Variants in CALM3 observed in about 807,000 individuals in gnomAD.
The protein encoded by CALM3 is calmodulin 3, also known as calmodulin-3.
In CALM3, 5 loss-of-function variants were observed where a neutral mutation model predicts 20.1. That is an observed-to-expected ratio of 0.25 (90% CI 0.13 to 0.52). The LOEUF (loss-of-function observed/expected upper bound fraction) is 0.52. CALM3 is among the 20% of genes least tolerant of loss of function. The probability of loss-of-function intolerance (pLI) is 0.96; values close to 1 mark genes in which losing one functional copy is unlikely to be tolerated. For synonymous variants in CALM3, 69 were observed against 68.1 expected (o/e 1.01, Z -0.06); for missense variants, 57 against 192.8 (o/e 0.30, Z 4.17).
chr19:46,603,096 C>G (rs1254821472), intron 1 of CALM3, among the ~76,000 whole-genome samples: 1 of 152,258 alleles, frequency 6.6e-6, no homozygotes, highest in Non-Finnish European at 1.5e-5. Flanking sequence ...CCACAACACC[C>G]ACAGCCCCAC....
rs765275273 is a variant in CALM3 at position 46,605,881 on chromosome 19, T to A, written c.34+24T>A. ...AGGTGAGTCTGCTATCCCCCTCATC[T>A]TAGCTCAGGAAAGCCTCCACATCCC... On this transcript the variant is annotated intron_variant, in intron 2 of 5. Transcript: ENST00000291295. The surrounding 1 kb of genome is among the most constrained non-coding windows in gnomAD (Gnocchi z 4.1). The A allele has an allele frequency of 7.4e-6, 12 of 1,613,142 alleles. No homozygotes were observed. Among genetic ancestry groups the A allele is most frequent in the Admixed American group, 1.7e-5 (1 of 60,016 alleles).
At chr19:46,604,531 GTTC>G (rs917340053) in intron 1 of CALM3, among the ~76,000 whole-genome samples, 8 of 143,642 alleles carry the variant, frequency 5.6e-5, no homozygotes, top group African/African-American at 1.8e-4. Flanking sequence ...GGGCTTGCAA[GTTC>G]TTCTTCCGTT....
rs1240461549 is a variant in CALM3, at chr19:46,605,330, G to A, written c.4-497G>A. The A allele has an allele frequency of 6.5e-6, 1 of 153,984 alleles. No homozygotes were observed. The highest frequency in any genetic ancestry group is 2.4e-5 in the African/African-American group (1 of 41,506). 9.5% of individuals were successfully genotyped at this position (153,984 alleles called of 1,614,324 possible). A position where few individuals can be genotyped will look rare whatever the true frequency, so the allele number is the denominator to read the frequency against. The stretch of plus-strand genomic sequence containing the variant: ...GGTGACACAGAAACTAGCAGAGATA[G>A]CCCCAGACATCGTCCCTCTGCCCTA... On this transcript the variant is annotated intron_variant, in intron 1 of 5. Coordinates refer to ENST00000291295, the MANE Select transcript of CALM3 (RefSeq NM_005184.4). The surrounding 1 kb of genome is among the most constrained non-coding windows in gnomAD (Gnocchi z 4.1).
At chr19:46,607,348 G>A (rs1244867022) in intron 2 of CALM3, among the ~76,000 whole-genome samples, 1 of 152,132 alleles carries the variant, frequency 6.6e-6, no homozygotes, top group Non-Finnish European at 1.5e-5. Context: ...TTAGCAAACT[G>A]TCCACCGCCT....
Position 46,601,747 on chromosome 19 carries a change from G to T in CALM3, c.3+310G>T, listed in dbSNP as rs776889109. Among the ~76,000 whole-genome samples the T allele has an allele frequency of 1.7e-4, 26 of 152,202 alleles. No individual in the cohort carries two copies. Among genetic ancestry groups the T allele is most frequent in the Non-Finnish European group, 3.2e-4 (22 of 68,038 alleles). ...GACCCTCAGTGGGACCCCTCAAAAG[G>T]ATTTTGGACCCAGGATGGGGCGTTG... On this transcript the variant is annotated intron_variant, in intron 1 of 5. Transcript: ENST00000291295. The surrounding 1 kb of genome is among the most constrained non-coding windows in gnomAD (Gnocchi z 4.2).
intron 1 of CALM3, chr19:46,602,163 T>C (rs2122215512): frequency 1.5e-6 from 2 of 1,348,148 alleles, no homozygotes; most frequent in East Asian, 4.7e-5. Flanking sequence ...TCTTGAAGGC[T>C]TCCGGGACGG....
Position 46,608,136 on chromosome 19 carries a change from C to T in CALM3, c.35-61C>T. 1 of 1,543,770 alleles carries T rather than the reference C, an allele frequency of 6.5e-7. No individual in the cohort carries two copies. The highest frequency in any genetic ancestry group is 8.8e-7 in the Non-Finnish European group (1 of 1,135,614). ...TCCTCCAGGGAAGGCATCCAGCATC[C>T]AGAGGTAAGGATTCTCCTGTGGACC... On this transcript the variant is annotated intron_variant, in intron 2 of 5. Coordinates refer to ENST00000291295, the MANE Select transcript of CALM3 (RefSeq NM_005184.4). The surrounding 1 kb of genome is among the most constrained non-coding windows in gnomAD (Gnocchi z 5.5).
intron 2 of CALM3, 176 bp downstream of exon 2, chr19:46,606,033 A>G (rs1037658738): frequency 3.0e-5 from 18 of 601,396 alleles, no homozygotes; most frequent in African/African-American, 1.7e-4. Context: ...CAGTGCCCCA[A>G]TGACACGAAG....
chr19:46,604,343 T>C (rs1409104511), intron 1 of CALM3, among the ~76,000 whole-genome samples: 3 of 152,060 alleles, frequency 2.0e-5, no homozygotes, highest in Non-Finnish European at 4.4e-5. Flanking sequence ...CCAACCACCC[T>C]GTCTTTTTTG....
chr19:46,608,869 C>A lies in CALM3; in HGVS notation c.309C>A (p.Ala103=). 1 of 1,583,336 alleles carries A rather than the reference C, an allele frequency of 6.3e-7. No individual in the cohort carries two copies. The highest frequency in any genetic ancestry group is 8.6e-7 in the Non-Finnish European group (1 of 1,165,996). The part of the protein sequence containing the change: ...FDKDGNGYIS[A]AELRHVMTNL... ...AGGATGGGAATGGCTACATCAGCGC[C>A]GCAGAGCTGCGTCACGTAATGACGA... The change falls in exon 5 of 6, where the codon GCC becomes GCA. Residue 103 remains alanine, a synonymous_variant. Transcript: ENST00000291295. The surrounding 1 kb of genome is among the most constrained non-coding windows in gnomAD (Gnocchi z 5.5).
chr19:46,601,309 G>T (rs1971607818), upstream of CALM3: 3 of 885,960 alleles, frequency 3.4e-6, no homozygotes, highest in Non-Finnish European at 4.5e-6. The surrounding 1 kb of genome is among the most constrained non-coding windows in gnomAD (Gnocchi z 4.2). Flanking sequence ...GGCGGCGGCG[G>T]CGGCGGCGCG....
At position 46,605,399 on chromosome 19, in the gene CALM3, T is replaced by C. The variant is rs987102969; in HGVS notation, c.4-428T>C. The C allele has an allele frequency of 1.7e-5, 3 of 179,124 alleles. No individual in the cohort carries two copies. Among genetic ancestry groups the C allele is most frequent in the African/African-American group, 7.2e-5 (3 of 41,894 alleles). The allele number at this position is 179,124 out of a possible 1,614,324, so 11.1% of individuals were successfully genotyped here. A position where few individuals can be genotyped will look rare whatever the true frequency, so the allele number is the denominator to read the frequency against. ...TCAGTTTGGAGCCTTCTAGAGCTTC[T>C]TGATGAGGCCTCCAGGGCAATCGTT... On this transcript the variant is annotated intron_variant, in intron 1 of 5. Coordinates refer to ENST00000291295, the MANE Select transcript of CALM3 (RefSeq NM_005184.4). The surrounding 1 kb of genome is among the most constrained non-coding windows in gnomAD (Gnocchi z 4.1).
Position 46,608,640 on chromosome 19 carries a change from A to C in CALM3, c.285+52A>C, listed in dbSNP as rs372509323. On this transcript the variant is annotated intron_variant, in intron 4 of 5. Transcript: ENST00000291295. This position sits in a 1 kb window ranked among gnomAD's most constrained non-coding sequence, Gnocchi z 5.5. ...CTGAGACTGACGCCAGCCTTCAGGC[A>C]GACAGGCGGAACTGGAGCCACGGAG... is the stretch of plus-strand genomic sequence containing the variant. The C allele has an allele frequency of 3.4e-5, 50 of 1,485,150 alleles. No individual in the cohort carries two copies. In the African/African-American group the frequency reaches 6.5e-4, roughly 19 times the overall value. The allele number at this position is 1,485,150 out of a possible 1,614,324, so 92.0% of individuals were successfully genotyped here.
intron 2 of CALM3, among the ~76,000 whole-genome samples, chr19:46,607,049 C>G (rs375568917): frequency 3.3e-5 from 5 of 152,114 alleles, no homozygotes; most frequent in African/African-American, 9.7e-5. Flanking sequence ...AAATTTTGGC[C>G]CTGGGTGGCT....
In CALM3 at chr19:46,601,500, C is replaced by T; in HGVS notation, c.3+63C>T. 5 of 1,370,582 alleles carry T rather than the reference C, an allele frequency of 3.6e-6. No homozygotes were observed. Among genetic ancestry groups the T allele is most frequent in the Middle Eastern group, 1.9e-4 (1 of 5,210 alleles). 84.9% of individuals were successfully genotyped at this position (1,370,582 alleles called of 1,614,324 possible). ...TGAGGCGGGCTTAACGGGGCAGGAC[C>T]CCTGAGGGGGCGACAGAGCCCAGAG... is the stretch of plus-strand genomic sequence containing the variant. On this transcript the variant is annotated intron_variant, in intron 1 of 5. Coordinates refer to ENST00000291295, the MANE Select transcript of CALM3 (RefSeq NM_005184.4). This position sits in a 1 kb window ranked among gnomAD's most constrained non-coding sequence, Gnocchi z 4.2.
In CALM3 at chr19:46,610,679, T is replaced by A; in HGVS notation, c.*1526T>A. 1 of 152,584 alleles carries A rather than the reference T, an allele frequency of 6.6e-6. No individual in the cohort carries two copies. The allele number at this position is 152,584 out of a possible 1,614,324, so 9.5% of individuals were successfully genotyped here. ...CGTGAGGCTGTGGACATTTTCGGAA[T>A]GTTTTGGTTTTGTTTTTTTTAAACC... On this transcript the variant is annotated 3_prime_UTR_variant, in exon 6 of 6. Transcript: ENST00000291295.
At position 46,608,770 on chromosome 19, in the gene CALM3, T is replaced by C. The variant is rs1971800245; in HGVS notation, c.286-76T>C. On this transcript the variant is annotated intron_variant, in intron 4 of 5. Transcript: ENST00000291295. The surrounding 1 kb of genome is among the most constrained non-coding windows in gnomAD (Gnocchi z 5.5). Reference sequence around the variant, plus strand: ...TGTGCTCACTGCTGAGGGATGGTGATGACAGCCACCCCTCTCACTGCCTCT... The same window carrying C: ...TGTGCTCACTGCTGAGGGATGGTGACGACAGCCACCCCTCTCACTGCCTCT... The C allele has an allele frequency of 1.4e-6, 2 of 1,470,542 alleles. No homozygotes were observed. The highest frequency in any genetic ancestry group is 1.8e-6 in the Non-Finnish European group (2 of 1,094,224). 91.1% of individuals were successfully genotyped at this position (1,470,542 alleles called of 1,614,324 possible).
rs762466010 is a variant in CALM3 at position 46,609,162 on chromosome 19, C to G, written c.*9C>G. The G allele has an allele frequency of 5.0e-6, 8 of 1,613,782 alleles. No homozygotes were observed. The Admixed American group carries it at 6.7e-5, about 13-fold the overall frequency. On this transcript the variant is annotated 3_prime_UTR_variant, in exon 6 of 6. Coordinates refer to ENST00000291295, the MANE Select transcript of CALM3 (RefSeq NM_005184.4). ...TGATGACTGCAAAGTGAAGGCCCCCCGGGCAGCTGGCGATGCCCGTTCTCT... is the reference window on the plus strand; with the variant it reads ...TGATGACTGCAAAGTGAAGGCCCCCGGGGCAGCTGGCGATGCCCGTTCTCT...
chr19:46,603,539 G>A lies in CALM3; in HGVS notation c.3+2102G>A, dbSNP rs1040867938. ...ACCCTCTTCCCTCCCCCACCTCATG[G>A]TTTTTTTTCTTGTCCAGCCCCTTGC... On this transcript the variant is annotated intron_variant, in intron 1 of 5. Coordinates refer to ENST00000291295, the MANE Select transcript of CALM3 (RefSeq NM_005184.4). Among the ~76,000 whole-genome samples, 4 of 151,996 alleles carry A rather than the reference G, an allele frequency of 2.6e-5. No homozygotes were observed. The East Asian group carries it at 7.7e-4, about 29-fold the overall frequency.
Sources: allele counts gnomAD v4.1 joint callset (sites outside exome capture counted in the v4.1 genomes callset), GRCh38; gene constraint gnomAD v4.1.1; non-coding constraint Gnocchi (gnomAD v3.1); transcripts MANE v1.5; gene names NCBI Gene and HGNC (gene_info 2026-07-23, HGNC 2026-07-21).